The following ZMAT4 variants were observed in gnomAD, a reference collection of about 807,000 sequenced individuals.
ZMAT4 encodes the protein zinc finger matrin-type 4.
Under a neutral mutation model 28.7 loss-of-function variants are expected in ZMAT4, and 17 were observed. The ratio of observed to expected loss-of-function variants is 0.59; its 90% CI spans 0.41 to 0.89. The LOEUF (loss-of-function observed/expected upper bound fraction) is 0.89. ZMAT4 is among the 40% of genes least tolerant of loss of function. The probability of loss-of-function intolerance (pLI) is 0.00; values close to 1 mark genes in which losing one functional copy is unlikely to be tolerated. For missense variants in ZMAT4, 240 were observed against 283.8 expected, an observed-to-expected ratio of 0.85 and a Z score of 1.11; for synonymous variants, 117 against 109.2, an observed-to-expected ratio of 1.07 and a Z score of -0.44.
chr8:40,561,160 T>C (rs1186793490), intron 6 of ZMAT4, among the ~76,000 whole-genome samples: 1 of 152,190 alleles, frequency 6.6e-6, no homozygotes, highest in Non-Finnish European at 1.5e-5. Flanking sequence ...TGTCATTTGT[T>C]AATAAAATAA....
chr8:40,704,311 G>A (rs1353721587), intron 3 of ZMAT4, among the ~76,000 whole-genome samples: 2 of 152,164 alleles, frequency 1.3e-5, no homozygotes, highest in African/African-American at 4.8e-5. Context: ...ACAGGGTCCT[G>A]GGTAACGTTA....
chr8:40,582,527 C>T (rs1487666685), intron 5 of ZMAT4, among the ~76,000 whole-genome samples: 1 of 152,042 alleles, frequency 6.6e-6, no homozygotes, highest in Non-Finnish European at 1.5e-5. Context: ...CAATGTTTAG[C>T]AAATGAGTAC....
At chr8:40,559,326 G>A (rs900770379) in intron 6 of ZMAT4, among the ~76,000 whole-genome samples, 3 of 152,138 alleles carry the variant, frequency 2.0e-5, no homozygotes, top group Admixed American at 1.3e-4. Context: ...ATACTTAAAT[G>A]TTAAGTCTCC....
At chr8:40,781,575 A>C (rs1331577826) in intron 2 of ZMAT4, among the ~76,000 whole-genome samples, 2 of 151,014 alleles carry the variant, frequency 1.3e-5, no homozygotes, top group African/African-American at 4.9e-5. Context: ...ATCCCGGCTA[A>C]AACGGTGAAA....
chr8:40,836,172 G>A (rs544705063), intron 1 of ZMAT4, among the ~76,000 whole-genome samples: 1 of 152,162 alleles, frequency 6.6e-6, no homozygotes, highest in Non-Finnish European at 1.5e-5. Context: ...AATAATGATT[G>A]GTTTGGGAAT....
intron 3 of ZMAT4, among the ~76,000 whole-genome samples, chr8:40,754,649 A>G (rs984148459): frequency 1.3e-5 from 2 of 152,220 alleles, no homozygotes; most frequent in Non-Finnish European, 2.9e-5. Context: ...ACAAGAAAGA[A>G]CATATTAAAT....
intron 1 of ZMAT4, among the ~76,000 whole-genome samples, chr8:40,883,185 C>T (rs1818339935): frequency 6.6e-6 from 1 of 152,196 alleles, no homozygotes; most frequent in African/African-American, 2.4e-5. Flanking sequence ...CCTCAGTTCC[C>T]ACCCTCAGTC....
chr8:40,789,620 A>G (rs1227384157), intron 2 of ZMAT4, among the ~76,000 whole-genome samples: 1 of 152,214 alleles, frequency 6.6e-6, no homozygotes, highest in Non-Finnish European at 1.5e-5. Flanking sequence ...GACCCCATTT[A>G]CCCTGATGTA....
At chr8:40,850,053 A>G (rs1586165439) in intron 1 of ZMAT4, among the ~76,000 whole-genome samples, 1 of 152,216 alleles carries the variant, frequency 6.6e-6, no homozygotes, top group Middle Eastern at 3.4e-3. Flanking sequence ...TCCATGCTGA[A>G]TCTGACAGTA....
intron 1 of ZMAT4, among the ~76,000 whole-genome samples, chr8:40,897,451 C>G (rs953243711): frequency 5.9e-5 from 9 of 152,322 alleles, no homozygotes; most frequent in African/African-American, 1.9e-4. Flanking sequence ...CCTATTTAGA[C>G]AGACCTGAGC....
chr8:40,649,258 A>T (rs2118805171), intron 5 of ZMAT4, among the ~76,000 whole-genome samples: 1 of 152,268 alleles, frequency 6.6e-6, no homozygotes, highest in Non-Finnish European at 1.5e-5. Context: ...AAACAAAAAA[A>T]GGCAGGGGTT....
At chr8:40,680,128 C>T (rs894987829) in intron 4 of ZMAT4, among the ~76,000 whole-genome samples, 4 of 152,166 alleles carry the variant, frequency 2.6e-5, no homozygotes, top group African/African-American at 9.7e-5. Context: ...ATATTAAAAG[C>T]CATTATTCCC....
chr8:40,533,775 C>T (rs1802765457), intron 6 of ZMAT4, among the ~76,000 whole-genome samples: 1 of 152,168 alleles, frequency 6.6e-6, no homozygotes, highest in South Asian at 2.1e-4. Flanking sequence ...GCTATAGCCA[C>T]TTTTTAGTAG....
intron 2 of ZMAT4, among the ~76,000 whole-genome samples, chr8:40,801,351 A>T (rs13276658): frequency 0.075 from 7,280 of 96,692 alleles, 403 homozygotes; most frequent in African/African-American, 0.15. Flanking sequence ...TAAAAAAAAA[A>T]ATATATATAT....
chr8:40,778,466 G>A (rs949178406), intron 2 of ZMAT4, among the ~76,000 whole-genome samples: 4 of 152,158 alleles, frequency 2.6e-5, no homozygotes, highest in Non-Finnish European at 4.4e-5. Context: ...GTGGAAGTGG[G>A]GCAGGGATGA....
At chr8:40,820,867 GTTTATGTGTGCATGTGTATGTGTT>G (rs1263215688) in intron 2 of ZMAT4, among the ~76,000 whole-genome samples, 3 of 124,920 alleles carry the variant, frequency 2.4e-5, no homozygotes, top group Admixed American at 7.7e-5. Flanking sequence ...GTGTTTGTGT[GTTTATGTGTGCATGTGTATGTGTT>G]TATGTGTGTG....
At chr8:40,741,817 A>C (rs1812016051) in intron 3 of ZMAT4, among the ~76,000 whole-genome samples, 1 of 152,226 alleles carries the variant, frequency 6.6e-6, no homozygotes, top group African/African-American at 2.4e-5. Context: ...AAACAACATA[A>C]ATTTTCAATT....
At chr8:40,560,843 A>T (rs1803713829) in intron 6 of ZMAT4, among the ~76,000 whole-genome samples, 1 of 152,146 alleles carries the variant, frequency 6.6e-6, no homozygotes, top group Non-Finnish European at 1.5e-5. Flanking sequence ...CTTTCAAAAT[A>T]ACCTGTATAA....
chr8:40,773,996 T>C (rs1813491318), intron 2 of ZMAT4, among the ~76,000 whole-genome samples: 2 of 151,888 alleles, frequency 1.3e-5, no homozygotes, highest in Admixed American at 1.3e-4. Flanking sequence ...AAAAGAAAAC[T>C]AGGAAAATAT....
Sources: gnomAD v4.1 joint callset for allele counts (sites outside exome capture counted in the v4.1 genomes callset) on GRCh38, gnomAD v4.1.1 for gene constraint, MANE v1.5 for transcripts, NCBI Gene and HGNC (gene_info 2026-07-23, HGNC 2026-07-21) for gene names.